Variants in CD86 observed in about 807,000 individuals in gnomAD.
The protein encoded by CD86 is CD86 molecule.
A neutral mutation model predicts 32.1 loss-of-function variants in CD86; 11 were observed. The ratio of observed to expected loss-of-function variants is 0.34; its 90% CI spans 0.22 to 0.57. CD86 has a LOEUF of 0.57. CD86 is among the 20% of genes least tolerant of loss of function. The pLI is 0.86. For missense variants in CD86, 359 were observed against 398.4 expected (o/e 0.90, Z 0.84); for synonymous variants, 137 against 135.3 (o/e 1.01, Z -0.09).
At chr3:122,101,509 A>ATATATATATAT (rs1436647275) in intron 2 of CD86, among the ~76,000 whole-genome samples, 11 of 56,994 alleles carry the variant, frequency 1.9e-4, no homozygotes, top group East Asian at 9.6e-4. Context: ...AAAAAAAAAA[A>ATATATATATAT]AAAAATATAT....
At chr3:122,107,713 C>T (rs1559912384) in intron 4 of CD86, among the ~76,000 whole-genome samples, 2 of 152,214 alleles carry the variant, frequency 1.3e-5, no homozygotes, top group Non-Finnish European at 2.9e-5. Context: ...CATCCAACTC[C>T]TTGCTCCATA....
chr3:122,061,072 G>A (rs146698781), intron 1 of CD86, among the ~76,000 whole-genome samples: 3 of 152,278 alleles, frequency 2.0e-5, no homozygotes, highest in Non-Finnish European at 4.4e-5. Context: ...ATTATTAGGT[G>A]TCGAATCAGA....
chr3:122,105,324 C>T (rs2073074357), intron 3 of CD86, among the ~76,000 whole-genome samples: 1 of 152,128 alleles, frequency 6.6e-6, no homozygotes, highest in Admixed American at 6.5e-5. Flanking sequence ...ACATAGACTC[C>T]AAGAAGACTG....
intron 5 of CD86, among the ~76,000 whole-genome samples, chr3:122,116,903 C>T (rs1417499324): frequency 3.3e-5 from 5 of 152,044 alleles, no homozygotes; most frequent in Non-Finnish European, 5.9e-5. Context: ...AGCTGAAAAG[C>T]GAACTATTTT....
chr3:122,060,733 T>C (rs543476638), intron 1 of CD86, among the ~76,000 whole-genome samples: 1 of 152,250 alleles, frequency 6.6e-6, no homozygotes, highest in African/African-American at 2.4e-5. Context: ...AGAAAATAAT[T>C]TTTGCAGTCA....
At chr3:122,091,324 A>G (rs1490657939) in intron 1 of CD86, among the ~76,000 whole-genome samples, 4 of 152,216 alleles carry the variant, frequency 2.6e-5, no homozygotes, top group Admixed American at 2.6e-4. Context: ...AAGAGACTTT[A>G]GCAGCCAGAT....
chr3:122,118,008 G>A, intron 5 of CD86, 40 bp from the exon 6 acceptor site: 2 of 1,566,058 alleles, frequency 1.3e-6, no homozygotes, highest in African/African-American at 1.4e-5. Context: ...TGGTATCTAG[G>A]AGGAATACAT....
intron 1 of CD86, among the ~76,000 whole-genome samples, chr3:122,082,316 A>G (rs2072645571): frequency 1.3e-5 from 2 of 152,210 alleles, no homozygotes; most frequent in Admixed American, 6.5e-5. Flanking sequence ...CAGTGTATGT[A>G]TCCTCCCATG....
intron 1 of CD86, among the ~76,000 whole-genome samples, chr3:122,066,604 T>G (rs2072416841): frequency 6.6e-6 from 1 of 152,176 alleles, no homozygotes; most frequent in Admixed American, 6.5e-5. Flanking sequence ...ATATTTATTG[T>G]GAAGATTAAA....
intron 2 of CD86, among the ~76,000 whole-genome samples, chr3:122,093,290 A>G (rs2107528459): frequency 6.6e-6 from 1 of 152,310 alleles, no homozygotes; most frequent in African/African-American, 2.4e-5. Flanking sequence ...CCCAAGTGCT[A>G]GAATTATATG....
chr3:122,107,374 C>G (rs1244922704), intron 4 of CD86, among the ~76,000 whole-genome samples: 1 of 152,132 alleles, frequency 6.6e-6, no homozygotes, highest in Non-Finnish European at 1.5e-5. Flanking sequence ...GGAGGTATGT[C>G]AAAGAAAGCC....
chr3:122,105,442 T>C (rs2073076031), intron 3 of CD86, among the ~76,000 whole-genome samples: 1 of 152,178 alleles, frequency 6.6e-6, no homozygotes, highest in South Asian at 2.1e-4. Flanking sequence ...ACCTGCAAAC[T>C]ACCTAGTAAC....
intron 1 of CD86, among the ~76,000 whole-genome samples, chr3:122,079,910 T>A (rs1208659733): frequency 6.6e-6 from 1 of 152,130 alleles, no homozygotes; most frequent in Non-Finnish European, 1.5e-5. Flanking sequence ...AACTTGAACC[T>A]AATGCCTAAT....
intron 5 of CD86, among the ~76,000 whole-genome samples, chr3:122,113,414 T>C (rs2073203966): frequency 6.6e-6 from 1 of 152,238 alleles, no homozygotes; most frequent in South Asian, 2.1e-4. Flanking sequence ...CTTTTAGTTC[T>C]TTAAGGAATC....
At chr3:122,095,661 C>T (rs570631309) in intron 2 of CD86, among the ~76,000 whole-genome samples, 1 of 152,158 alleles carries the variant, frequency 6.6e-6, no homozygotes, top group Non-Finnish European at 1.5e-5. Flanking sequence ...ACAGTCGAGA[C>T]CTATCATTCC....
At position 122,067,365 on chromosome 3, in the gene CD86, T is replaced by C. The variant is rs75892138; in HGVS notation, c.14+11862T>C. 2.7e-3 allele frequency among the ~76,000 whole-genome samples: 415 copies of C among 152,218 alleles called. 1 individual carries two copies. Among genetic ancestry groups the C allele is most frequent in the African/African-American group, 9.7e-3 (401 of 41,536 alleles). ...CGTCCAAACAAGAGGTGACAAAGAC[T>C]CTAAAACTGGCCACCAATGAATTGA... On this transcript the variant is annotated intron_variant, in intron 1 of 6. Coordinates refer to ENST00000330540, the MANE Select transcript of CD86 (RefSeq NM_175862.5).
At chr3:122,061,643 A>ACTAC (rs1192249670) in intron 1 of CD86, among the ~76,000 whole-genome samples, 3 of 152,230 alleles carry the variant, frequency 2.0e-5, no homozygotes, top group Non-Finnish European at 4.4e-5. Context: ...AAATTAAACC[A>ACTAC]CTACCTACCT....
At chr3:122,082,727 A>G (rs1311201961) in intron 1 of CD86, among the ~76,000 whole-genome samples, 1 of 152,222 alleles carries the variant, frequency 6.6e-6, no homozygotes, top group Non-Finnish European at 1.5e-5. Context: ...ACTTACCCTC[A>G]GGAGATTCAT....
chr3:122,106,064 G>T, intron 3 of CD86, 134 bp from the exon 4 acceptor site: 1 of 624,550 alleles, frequency 1.6e-6, no homozygotes, highest in East Asian at 2.8e-5. Context: ...TGGGCTGAGG[G>T]TCACATTTTA....
Sources: gnomAD v4.1 joint callset for allele counts (sites outside exome capture counted in the v4.1 genomes callset) on GRCh38, gnomAD v4.1.1 for gene constraint, MANE v1.5 for transcripts, NCBI Gene and HGNC (gene_info 2026-07-23, HGNC 2026-07-21) for gene names.